Variants in MCPH1 observed in about 807,000 individuals in gnomAD.
MCPH1 encodes microcephalin.
A neutral mutation model predicts 84.5 loss-of-function variants in MCPH1; 104 were observed. The observed-to-expected ratio is 1.23, with a 90% CI of 1.05 to 1.45. The LOEUF (loss-of-function observed/expected upper bound fraction) is 1.45, where lower values mean the gene tolerates loss of function less well. Among genes scored for constraint, MCPH1 ranks in the 40% most tolerant of loss-of-function variants. MCPH1 has a pLI of 0.00. For missense variants in MCPH1, 1,498 were observed against 1,005.7 expected (o/e 1.49, Z -6.62); for synonymous variants, 514 against 366.8 (o/e 1.40, Z -4.58).
intron 12 of MCPH1, among the ~76,000 whole-genome samples, chr8:6,557,913 G>A (rs943005228): frequency 6.6e-6 from 1 of 152,124 alleles, no homozygotes. Context: ...GCCAGATATG[G>A]AAAGATATAA....
Position 6,442,112 on chromosome 8 carries a change from T to C in MCPH1, c.626T>C (p.Leu209Pro), listed in dbSNP as rs867949424. The C allele has an allele frequency of 1.2e-6, 2 of 1,613,746 alleles. No individual in the cohort carries two copies. Among genetic ancestry groups the C allele is most frequent in the Non-Finnish European group, 8.5e-7 (1 of 1,179,654 alleles). ...TCTCATGATAATCCAAGTAACTCTC[T>C]GTGTGAAGCACCTTTGAACATTTCA... ...QQSHDNPSNS[L>P]CEAPLNISRD... Residue 209 changes from leucine (L) to proline (P), a missense_variant, in exon 7 of 14, where the codon CTG becomes CCG. Physicochemically the swap from Leu to Pro is moderately conservative, Grantham distance 98. Transcript: ENST00000344683.
chr8:6,564,385 G>A (rs745699379), intron 12 of MCPH1, among the ~76,000 whole-genome samples: 2 of 152,166 alleles, frequency 1.3e-5, no homozygotes, highest in Admixed American at 6.5e-5. Context: ...TCACTTCCCT[G>A]TTTTAATTAA....
intron 11 of MCPH1, among the ~76,000 whole-genome samples, chr8:6,481,995 C>G (rs979974668): frequency 5.3e-5 from 8 of 152,328 alleles, no homozygotes; most frequent in East Asian, 1.9e-4. Context: ...TTATCTGGCT[C>G]CATTCTCCCT....
chr8:6,465,275 T>C (rs1806735305), intron 9 of MCPH1, among the ~76,000 whole-genome samples: 1 of 152,204 alleles, frequency 6.6e-6, no homozygotes, highest in South Asian at 2.1e-4. Flanking sequence ...AAAGGGACTG[T>C]AGATAAGTAA....
chr8:6,444,423 C>G lies in MCPH1; in HGVS notation c.701C>G (p.Ser234Cys), dbSNP rs774430232. ...TACTTTGCTGGTGGCTTACACTCAT[C>G]TTTTGATGATCTTTGTGGAAACTCA... ...DEYFAGGLHS[S>C]FDDLCGNSGC... Residue 234 changes from serine (S) to cysteine (C), a missense_variant, in exon 8 of 14, where the codon TCT (serine) becomes TGT (cysteine). Coordinates refer to ENST00000344683, the MANE Select transcript of MCPH1 (RefSeq NM_024596.5). 4.4e-5 allele frequency: 71 copies of G among 1,614,034 alleles called. No individual in the cohort carries two copies. In the East Asian group the frequency reaches 1.3e-3, roughly 29 times the overall value.
chr8:6,421,169 C>T (rs1382184683), intron 3 of MCPH1, among the ~76,000 whole-genome samples: 2 of 152,194 alleles, frequency 1.3e-5, no homozygotes, highest in East Asian at 3.9e-4. Flanking sequence ...CATTTTGTCT[C>T]TTAATGTGCA....
At chr8:6,601,954 G>T (rs767245105) in intron 12 of MCPH1, among the ~76,000 whole-genome samples, 1 of 152,238 alleles carries the variant, frequency 6.6e-6, no homozygotes, top group South Asian at 2.1e-4. Context: ...AGGGTAATCA[G>T]TGTACCATAG....
At chr8:6,452,300 T>C (rs1805181554) in intron 8 of MCPH1, among the ~76,000 whole-genome samples, 1 of 152,254 alleles carries the variant, frequency 6.6e-6, no homozygotes, top group African/African-American at 2.4e-5. Context: ...TGAGTGATCA[T>C]TTACTAGCTT....
intron 7 of MCPH1, among the ~76,000 whole-genome samples, chr8:6,442,978 A>G (rs1162178067): frequency 6.6e-6 from 1 of 152,198 alleles, no homozygotes; most frequent in Non-Finnish European, 1.5e-5. Context: ...CCATCTTTTT[A>G]TTTTACACTT....
chr8:6,618,424 C>T (rs1225515381), intron 12 of MCPH1: 2 of 152,184 alleles, frequency 1.3e-5, no homozygotes, highest in Admixed American at 6.5e-5. Context: ...CCTAAACATT[C>T]GAGAGGTTGA....
chr8:6,575,688 A>G (rs1202328637), intron 12 of MCPH1, among the ~76,000 whole-genome samples: 4 of 152,304 alleles, frequency 2.6e-5, no homozygotes, highest in African/African-American at 9.6e-5. Flanking sequence ...TGCAGTTGTA[A>G]TCAGTTAAGA....
chr8:6,494,953 C>G (rs1052550141), intron 11 of MCPH1, among the ~76,000 whole-genome samples: 6 of 152,158 alleles, frequency 3.9e-5, no homozygotes, highest in African/African-American at 1.4e-4. Flanking sequence ...TAAGGCACCA[C>G]TACAACTACT....
At chr8:6,564,885 T>G (rs1586651590) in intron 12 of MCPH1, among the ~76,000 whole-genome samples, 1 of 152,182 alleles carries the variant, frequency 6.6e-6, no homozygotes, top group Admixed American at 6.5e-5. Flanking sequence ...TGTCTTCTTT[T>G]GAGAAGGTGT....
chr8:6,488,289 C>G (rs1016362080), intron 11 of MCPH1, among the ~76,000 whole-genome samples: 8 of 152,156 alleles, frequency 5.3e-5, no homozygotes, highest in African/African-American at 1.7e-4. Context: ...CTTCCCAGGA[C>G]CATAATCTGC....
At chr8:6,532,865 C>CT (rs759911474) in intron 12 of MCPH1, among the ~76,000 whole-genome samples, 25 of 152,202 alleles carry the variant, frequency 1.6e-4, no homozygotes, top group Non-Finnish European at 3.2e-4. Context: ...TCTGACCATG[C>CT]AGTCAGGAAA....
Position 6,444,699 on chromosome 8 carries a change from T to C in MCPH1, c.977T>C (p.Phe326Ser), listed in dbSNP as rs1294409873. 2 of 1,613,952 alleles carry C rather than the reference T, an allele frequency of 1.2e-6. No individual in the cohort carries two copies. Among genetic ancestry groups the C allele is most frequent in the Admixed American group, 3.3e-5 (2 of 60,004 alleles). The change falls in exon 8 of 14, where the codon TTT (phenylalanine) becomes TCT (serine). Residue 326 changes from phenylalanine (F) to serine (S), a missense_variant. Phe to Ser is a radical substitution (Grantham distance 155). Coordinates refer to ENST00000344683, the MANE Select transcript of MCPH1 (RefSeq NM_024596.5). ...KQAAGMSQET[F>S]EEKYRLSPTL... ...GCTGCAGGTATGTCTCAGGAGACGT[T>C]TGAAGAGAAGTATCGTTTGTCTCCT...
At chr8:6,627,191 C>A in intron 13 of MCPH1, 1 of 985,394 alleles carries the variant, frequency 1.0e-6, no homozygotes, top group Non-Finnish European at 1.2e-6. Flanking sequence ...ACTCGGGAGG[C>A]CTCAGGCCTT....
chr8:6,605,515 C>T (rs762943619), intron 12 of MCPH1, among the ~76,000 whole-genome samples: 5 of 152,180 alleles, frequency 3.3e-5, no homozygotes, highest in Non-Finnish European at 5.9e-5. Flanking sequence ...CAAGATGTAA[C>T]TGTAAACCTC....
chr8:6,545,360 T>G (rs1025707881), intron 12 of MCPH1, among the ~76,000 whole-genome samples: 1 of 152,214 alleles, frequency 6.6e-6, no homozygotes, highest in Non-Finnish European at 1.5e-5. Context: ...ATCTCAAAAA[T>G]TCTTTTAAAA....
Sources: allele counts gnomAD v4.1 joint callset (sites outside exome capture counted in the v4.1 genomes callset), GRCh38; gene constraint gnomAD v4.1.1; transcripts MANE v1.5; gene names NCBI Gene and HGNC (gene_info 2026-07-23, HGNC 2026-07-21).